Variants in GLO1 observed in about 807,000 individuals in gnomAD.
GLO1 encodes the protein lactoylglutathione lyase.
Under a neutral mutation model 26.0 loss-of-function variants are expected in GLO1, and 28 were observed. That is an observed-to-expected ratio of 1.08 (90% CI 0.80 to 1.48). The LOEUF (loss-of-function observed/expected upper bound fraction) is 1.48, where lower values mean the gene tolerates loss of function less well. Among genes scored for constraint, GLO1 ranks in the 40% most tolerant of loss-of-function variants. The pLI is 0.00. For synonymous variants in GLO1, 78 were observed against 77.6 expected, an observed-to-expected ratio of 1.00 and a Z score of -0.03; for missense variants, 225 against 224.8, an observed-to-expected ratio of 1.00 and a Z score of -0.01.
rs752781289 is a variant in GLO1, at chr6:38,677,422, A to G, written c.467-39T>C. 7 of 877,808 alleles carry G rather than the reference A, an allele frequency of 8.0e-6. No individual in the cohort carries two copies. The Admixed American group carries it at 1.3e-4, about 16-fold the overall frequency. 54.4% of individuals were successfully genotyped at this position (877,808 alleles called of 1,614,324 possible). On this transcript the variant is annotated intron_variant, in intron 5 of 5. Transcript: ENST00000373365. The stretch of plus-strand genomic sequence containing the variant: ...ATTTTCATTATTGAAAAGACTAAAA[A>G]AGAAAACACCATAAAAATGTTTTTC...
intron 1 of GLO1, among the ~76,000 whole-genome samples, chr6:38,697,627 C>T (rs1761631266): frequency 6.6e-6 from 1 of 152,172 alleles, no homozygotes; most frequent in African/African-American, 2.4e-5. Flanking sequence ...TTATTTTTAC[C>T]ATAAGCAACA....
In GLO1 at chr6:38,675,940, T is replaced by C. The variant is rs1407143606; in HGVS notation, c.*1355A>G. 6.7e-6 allele frequency: 1 copy of C among 148,390 alleles called. No homozygotes were observed. Among genetic ancestry groups the C allele is most frequent in the Non-Finnish European group, 1.5e-5 (1 of 67,236 alleles). 9.2% of individuals were successfully genotyped at this position (148,390 alleles called of 1,614,324 possible). ...TGGACAAAGGTTTACAAATTAAACA[T>C]AGTCTTATTTGAAGTTTCATTTTAT... On this transcript the variant is annotated 3_prime_UTR_variant, in exon 6 of 6. Coordinates refer to ENST00000373365, the MANE Select transcript of GLO1 (RefSeq NM_006708.3).
In GLO1 at chr6:38,682,046, T is replaced by C. The variant is rs1013188334; in HGVS notation, c.432A>G (p.Glu144=). The C allele has an allele frequency of 6.3e-7, 1 of 1,592,396 alleles. No individual in the cohort carries two copies. The highest frequency in any genetic ancestry group is 8.6e-7 in the Non-Finnish European group (1 of 1,160,222). The change falls in exon 5 of 6, where the codon GAA becomes GAG. Residue 144 remains glutamate (E), a synonymous_variant. Transcript: ENST00000373365. The part of the protein sequence containing the change: ...DVYSACKRFE[E]LGVKFVKKPD... ...GTTTCTTCACAAATTTGACTCCCAG[T>C]TCTTCAAACCTTTTACAAGCACTGT...
At chr6:38,681,912 T>A in intron 5 of GLO1, 100 bp downstream of exon 5, 1 of 709,514 alleles carries the variant, frequency 1.4e-6, no homozygotes, top group African/African-American at 1.8e-5. Flanking sequence ...AGACTTCTGT[T>A]ACTTGTAGCC....
At chr6:38,694,162 GA>G in intron 1 of GLO1, among the ~76,000 whole-genome samples, 1 of 152,210 alleles carries the variant, frequency 6.6e-6, no homozygotes, top group African/African-American at 2.4e-5. Flanking sequence ...TGTTGCTGAA[GA>G]ATACATCATT....
chr6:38,682,904 A>G (rs1217470303), intron 3 of GLO1, 29 bp from the exon 4 acceptor site: 12 of 1,256,666 alleles, frequency 9.5e-6, no homozygotes, highest in Non-Finnish European at 1.4e-5. Context: ...CATAGCTACA[A>G]TGTCCTAGGG....
chr6:38,685,422 T>C (rs947912540), intron 2 of GLO1, among the ~76,000 whole-genome samples: 6 of 152,064 alleles, frequency 3.9e-5, no homozygotes, highest in African/African-American at 1.4e-4. Flanking sequence ...TGGCAAGGAG[T>C]AAGGTGGCAT....
intron 1 of GLO1, among the ~76,000 whole-genome samples, chr6:38,694,595 C>T (rs761095432): frequency 6.6e-6 from 1 of 151,966 alleles, no homozygotes; most frequent in African/African-American, 2.4e-5. Context: ...AGGAGGAGCC[C>T]TTGAACCCGG....
intron 3 of GLO1, chr6:38,683,096 C>T (rs906710648): frequency 2.4e-5 from 12 of 495,224 alleles, no homozygotes; most frequent in Non-Finnish European, 3.9e-5. Flanking sequence ...TGGACAAGAA[C>T]AATAATAAGA....
intron 1 of GLO1, among the ~76,000 whole-genome samples, chr6:38,695,072 T>C (rs1282227978): frequency 1.3e-5 from 2 of 152,238 alleles, no homozygotes; most frequent in Non-Finnish European, 1.5e-5. Context: ...TCTCTTAATG[T>C]ATTTGTATCT....
At chr6:38,682,178 ATTCCAAAACTTGTTTAT>A in intron 4 of GLO1, 77 bp from the exon 5 acceptor site, 1 of 827,354 alleles carries the variant, frequency 1.2e-6, no homozygotes, top group Non-Finnish European at 2.1e-6. Context: ...CCACAAGTAG[ATTCCAAAACTTGTTTAT>A]TTCAAAACAT....
At chr6:38,684,968 T>C (rs923767130) in intron 2 of GLO1, among the ~76,000 whole-genome samples, 6 of 152,034 alleles carry the variant, frequency 3.9e-5, no homozygotes, top group African/African-American at 7.2e-5. Context: ...AAATTAAGGA[T>C]AGGTGGTAAG....
intron 1 of GLO1, 108 bp downstream of exon 1, chr6:38,702,863 C>G (rs1761725453): frequency 1.2e-5 from 8 of 660,750 alleles, no homozygotes; most frequent in Non-Finnish European, 1.6e-5. Context: ...CTCCCGTCCG[C>G]CCGAGGCCGG....
At chr6:38,695,119 A>G in intron 1 of GLO1, among the ~76,000 whole-genome samples, 1 of 151,992 alleles carries the variant, frequency 6.6e-6, no homozygotes, top group Non-Finnish European at 1.5e-5. Context: ...TAAGTTGGCC[A>G]TTTTATTCAT....
Position 38,677,061 on chromosome 6 carries a change from A to T in GLO1, c.*234T>A. The T allele has an allele frequency of 1.0e-5, 5 of 495,404 alleles. No individual in the cohort carries two copies. Among genetic ancestry groups the T allele is most frequent in the Non-Finnish European group, 7.0e-6 (2 of 284,318 alleles). 30.7% of individuals were successfully genotyped at this position (495,404 alleles called of 1,614,324 possible). A position where few individuals can be genotyped will look rare whatever the true frequency, so the allele number is the denominator to read the frequency against. On this transcript the variant is annotated 3_prime_UTR_variant, in exon 6 of 6. Transcript: ENST00000373365. ...AAGGGAACTGTTCTAATTATTACCT[A>T]AAAAATAAAGTTACACAACTATATT... is the stretch of plus-strand genomic sequence containing the variant.
chr6:38,680,284 G>A (rs1426280638), intron 5 of GLO1, among the ~76,000 whole-genome samples: 9 of 152,230 alleles, frequency 5.9e-5, no homozygotes, highest in African/African-American at 1.2e-4. Context: ...CACTTTGGGA[G>A]GCTGAGGCAG....
At chr6:38,701,674 C>G (rs1307432421) in intron 1 of GLO1, among the ~76,000 whole-genome samples, 1 of 152,050 alleles carries the variant, frequency 6.6e-6, no homozygotes, top group Non-Finnish European at 1.5e-5. Flanking sequence ...CAATGACTAA[C>G]ATTTTTCCTA....
At chr6:38,700,551 C>T (rs1410725629) in intron 1 of GLO1, among the ~76,000 whole-genome samples, 1 of 152,168 alleles carries the variant, frequency 6.6e-6, no homozygotes. Context: ...CCTGTGCATA[C>T]CCCATTCCAC....
In GLO1 at chr6:38,682,106, C is replaced by A. The variant is rs201361403; in HGVS notation, c.377-5G>T. On this transcript the variant is annotated splice_polypyrimidine_tract_variant and splice_region_variant and intron_variant, in intron 4 of 5. Transcript: ENST00000373365. ...GAACAGCAATTCCAATATGACCTTACGTGATACCCCCCGAAAAAAGCAGAG... is the reference window on the plus strand; with the variant it reads ...GAACAGCAATTCCAATATGACCTTAAGTGATACCCCCCGAAAAAAGCAGAG... 1 of 1,483,168 alleles carries A rather than the reference C, an allele frequency of 6.7e-7. No homozygotes were observed. The highest frequency in any genetic ancestry group is 1.7e-5 in the Admixed American group (1 of 59,836). 91.9% of individuals were successfully genotyped at this position (1,483,168 alleles called of 1,614,324 possible). A position where few individuals can be genotyped will look rare whatever the true frequency, so the allele number is the denominator to read the frequency against.
Sources: allele counts gnomAD v4.1 joint callset (sites outside exome capture counted in the v4.1 genomes callset), GRCh38; gene constraint gnomAD v4.1.1; transcripts MANE v1.5; gene names NCBI Gene and HGNC (gene_info 2026-07-23, HGNC 2026-07-21).